The following SCOC variants were observed in gnomAD, a reference collection of about 807,000 sequenced individuals.
SCOC encodes short coiled coil protein.
Under a neutral mutation model 9.9 loss-of-function variants are expected in SCOC, and 7 were observed. The ratio of observed to expected loss-of-function variants is 0.71; its 90% CI spans 0.40 to 1.33. The LOEUF is 1.33. Ranked by LOEUF, SCOC falls within the 40% of genes most tolerant of loss-of-function variation. SCOC has a pLI of 0.01. For missense variants in SCOC, 66 were observed against 89.7 expected, an observed-to-expected ratio of 0.74 and a Z score of 1.07; for synonymous variants, 19 against 28.2, an observed-to-expected ratio of 0.67 and a Z score of 1.03.
intron 2 of SCOC, chr4:140,366,646 T>C (rs1189762058): frequency 1.0e-5 from 16 of 1,604,146 alleles, no homozygotes; most frequent in Non-Finnish European, 1.3e-5. Context: ...TTGTCTGACA[T>C]ACTTCTGGTG....
chr4:140,291,300 C>A (rs1731463477), intron 1 of SCOC: 1 of 400,394 alleles, frequency 2.5e-6, no homozygotes, highest in Admixed American at 2.8e-5. Context: ...ATAGGGGCTG[C>A]AAGACATTTG....
chr4:140,359,908 A>AT (rs1727390558), intron 2 of SCOC, among the ~76,000 whole-genome samples: 1 of 152,112 alleles, frequency 6.6e-6, no homozygotes. Context: ...ACAAGATCCC[A>AT]TTTTTTCTTT....
At chr4:140,308,163 C>T (rs1012349075) in intron 1 of SCOC, among the ~76,000 whole-genome samples, 1 of 152,160 alleles carries the variant, frequency 6.6e-6, no homozygotes, top group Non-Finnish European at 1.5e-5. Flanking sequence ...GGTTCTTAAA[C>T]AGAGCTTTAC....
chr4:140,362,299 C>CTTTTT (rs1183789218), intron 2 of SCOC, among the ~76,000 whole-genome samples: 6 of 38,368 alleles, frequency 1.6e-4, no homozygotes, highest in Non-Finnish European at 3.4e-4. Flanking sequence ...TCTTCTTCTT[C>CTTTTT]TTTTTTTTTT....
chr4:140,272,878 A>T (rs1730880460), intron 1 of SCOC, among the ~76,000 whole-genome samples: 2 of 152,208 alleles, frequency 1.3e-5, no homozygotes, highest in South Asian at 4.1e-4. Flanking sequence ...AAGTTGAATG[A>T]TGCCTCCTAA....
At chr4:140,334,662 G>T (rs999904323) in intron 1 of SCOC, among the ~76,000 whole-genome samples, 1 of 152,046 alleles carries the variant, frequency 6.6e-6, no homozygotes, top group Non-Finnish European at 1.5e-5. Flanking sequence ...TTAACTACAG[G>T]CACAATTTTA....
chr4:140,357,189 G>A (rs1056863972), intron 2 of SCOC, among the ~76,000 whole-genome samples: 2 of 152,026 alleles, frequency 1.3e-5, no homozygotes, highest in Admixed American at 1.3e-4. Context: ...GACCAGGCTG[G>A]TCTCGAACTC....
intron 1 of SCOC, among the ~76,000 whole-genome samples, chr4:140,303,139 T>TA (rs1011648118): frequency 1.3e-5 from 2 of 150,866 alleles, no homozygotes; most frequent in Admixed American, 6.6e-5. Flanking sequence ...ACCTAGAGCT[T>TA]AAAAAAAAAG....
chr4:140,338,089 G>A (rs1330891395), intron 1 of SCOC, among the ~76,000 whole-genome samples: 1 of 152,130 alleles, frequency 6.6e-6, no homozygotes, highest in African/African-American at 2.4e-5. Context: ...ACATCAAAAA[G>A]CTTATCCACC....
At chr4:140,361,893 C>T (rs972454580) in intron 2 of SCOC, among the ~76,000 whole-genome samples, 1 of 152,040 alleles carries the variant, frequency 6.6e-6, no homozygotes, top group African/African-American at 2.4e-5. Flanking sequence ...AAAAGAAAAT[C>T]TACAAACTCT....
In SCOC at chr4:140,315,795, A is replaced by G. The variant is rs1442829704; in HGVS notation, c.-18-27826A>G. Among the ~76,000 whole-genome samples the G allele has an allele frequency of 3.9e-5, 6 of 152,138 alleles. No individual in the cohort carries two copies. The East Asian group carries it at 9.6e-4, about 24-fold the overall frequency. On this transcript the variant is annotated intron_variant, in intron 1 of 4. Transcript: ENST00000394205. ...TACTTTTACCTGGTTCTTGCTTTTTACTGCAATTTCCAAGGGATCCCTGCC... is the reference window on the plus strand; with the variant it reads ...TACTTTTACCTGGTTCTTGCTTTTTGCTGCAATTTCCAAGGGATCCCTGCC...
intron 1 of SCOC, among the ~76,000 whole-genome samples, chr4:140,264,269 C>T (rs1730690002): frequency 6.6e-6 from 1 of 152,142 alleles, no homozygotes; most frequent in Non-Finnish European, 1.5e-5. Context: ...TCCTGAGTTG[C>T]TGGAATTATA....
At chr4:140,271,659 A>T (rs1730848507) in intron 1 of SCOC, among the ~76,000 whole-genome samples, 1 of 152,210 alleles carries the variant, frequency 6.6e-6, no homozygotes, top group African/African-American at 2.4e-5. Context: ...GCACACAGAC[A>T]ATGGAAGATG....
chr4:140,380,485 A>G (rs1728531396), intron 3 of SCOC, among the ~76,000 whole-genome samples: 1 of 152,058 alleles, frequency 6.6e-6, no homozygotes, highest in Non-Finnish European at 1.5e-5. Flanking sequence ...GGTGCGAGCC[A>G]CCGTGCCCAG....
intron 1 of SCOC, among the ~76,000 whole-genome samples, chr4:140,307,979 A>G (rs1349518916): frequency 6.6e-6 from 1 of 152,134 alleles, no homozygotes; most frequent in East Asian, 1.9e-4. Flanking sequence ...CTTTATGGAG[A>G]CATGATTCTT....
At chr4:140,377,586 AACTT>A (rs1728395697) in intron 1 of SCOC, among the ~76,000 whole-genome samples, 1 of 152,224 alleles carries the variant, frequency 6.6e-6, no homozygotes, top group African/African-American at 2.4e-5. Context: ...AGTGCTATCT[AACTT>A]GAACTATAAA....
upstream of SCOC, chr4:140,369,437 T>C: frequency 1.6e-5 from 5 of 303,700 alleles, no homozygotes; most frequent in South Asian, 1.0e-4. Context: ...TTAATGAGCT[T>C]AAAGCATCAG....
intron 1 of SCOC, among the ~76,000 whole-genome samples, chr4:140,291,874 T>C (rs752427283): frequency 2.0e-4 from 31 of 152,188 alleles, no homozygotes; most frequent in Non-Finnish European, 4.1e-4. Context: ...CCAGTGTATG[T>C]AGTTTATTTA....
chr4:140,341,655 C>G (rs1726514640), upstream of SCOC, among the ~76,000 whole-genome samples: 1 of 152,180 alleles, frequency 6.6e-6, no homozygotes, highest in South Asian at 2.1e-4. Context: ...CTAGAAAAAG[C>G]AGCTCATGTG....
Sources: allele counts gnomAD v4.1 joint callset (sites outside exome capture counted in the v4.1 genomes callset), GRCh38; gene constraint gnomAD v4.1.1; transcripts MANE v1.5; gene names NCBI Gene and HGNC (gene_info 2026-07-23, HGNC 2026-07-21).